RPS6KA6: variants seen among roughly 807,000 people sequenced by gnomAD.
RPS6KA6 encodes the protein ribosomal protein S6 kinase alpha-6.
A neutral mutation model predicts 65.4 loss-of-function variants in RPS6KA6; 27 were observed. That is an observed-to-expected ratio of 0.41 (90% CI 0.30 to 0.57). RPS6KA6 has a LOEUF of 0.57. Among genes scored for constraint, RPS6KA6 ranks in the 20% least tolerant of loss-of-function variants. The pLI, the probability that RPS6KA6 is intolerant of heterozygous loss-of-function variation, is 0.24. For synonymous variants in RPS6KA6, 190 were observed against 184.2 expected, an observed-to-expected ratio of 1.03 and a Z score of -0.26; for missense variants, 486 against 555.6, an observed-to-expected ratio of 0.87 and a Z score of 1.26.
intron 20 of RPS6KA6, among the ~76,000 whole-genome samples, chrX:84,077,350 T>C (rs140929763): frequency 0.062 from 6,841 of 111,114 alleles, 231 homozygotes; most frequent in East Asian, 0.2. Flanking sequence ...TCATGGTACC[T>C]GATTTCAAAA....
intron 1 of RPS6KA6, among the ~76,000 whole-genome samples, chrX:84,183,934 G>A (rs2035894048): frequency 9.0e-6 from 1 of 111,334 alleles, no homozygotes; most frequent in African/African-American, 3.3e-5. Context: ...GGACTCTGTG[G>A]TATATTTTTA....
intron 8 of RPS6KA6, among the ~76,000 whole-genome samples, chrX:84,132,649 G>GAA (rs72182149): frequency 1.9e-5 from 2 of 107,464 alleles, no homozygotes; most frequent in East Asian, 5.8e-4. Context: ...AGGATTTCAG[G>GAA]AAAAAAACTT....
intron 5 of RPS6KA6, 57 bp downstream of exon 5, chrX:84,146,921 T>C: frequency 1.6e-6 from 1 of 631,298 alleles, no homozygotes. Flanking sequence ...AATTCTCTAA[T>C]TCCATATTAA....
At chrX:84,175,104 C>G (rs1178274210) in intron 1 of RPS6KA6, among the ~76,000 whole-genome samples, 1 of 111,307 alleles carries the variant, frequency 9.0e-6, no homozygotes, top group African/African-American at 3.3e-5. Flanking sequence ...TCAGCTTTTT[C>G]AAAATCACAT....
intron 2 of RPS6KA6, 26 bp from the exon 3 acceptor site, chrX:84,156,217 T>C: frequency 1.2e-6 from 1 of 818,611 alleles, no homozygotes; most frequent in South Asian, 2.2e-5. Context: ...CAAACAATAC[T>C]TGAATCCATT....
chrX:84,096,396 T>C (rs1381851960), intron 19 of RPS6KA6, 85 bp from the exon 20 acceptor site: 1 of 396,221 alleles, frequency 2.5e-6, no homozygotes, highest in Non-Finnish European at 4.2e-6. Context: ...TACATGCAAA[T>C]ATTTACTTCA....
At chrX:84,092,022 G>C (rs1488092526) in intron 20 of RPS6KA6, among the ~76,000 whole-genome samples, 3 of 110,575 alleles carry the variant, frequency 2.7e-5, no homozygotes, top group Non-Finnish European at 3.8e-5. Flanking sequence ...CACACAATCA[G>C]GACCTGGTCC....
chrX:84,130,934 T>C, intron 8 of RPS6KA6, among the ~76,000 whole-genome samples: 1 of 112,102 alleles, frequency 8.9e-6, no homozygotes, highest in Non-Finnish European at 1.9e-5. Flanking sequence ...GTTACAAGGC[T>C]GTACGCATTT....
At position 84,164,759 on chromosome X, in the gene RPS6KA6, T is replaced by A. The variant is rs779214060; in HGVS notation, c.82-372A>T. 3.8e-4 allele frequency among the ~76,000 whole-genome samples: 43 copies of A among 111,729 alleles called. 1 individual carries two copies. The highest frequency in any genetic ancestry group is 3.7e-3 in the Admixed American group (39 of 10,513). On this transcript the variant is annotated intron_variant, in intron 1 of 21. Transcript: ENST00000262752. ...ACCATGGGGGTATATTCAAAGCAAA[T>A]TATAATAAGAACAGTTTTATATAAT...
chrX:84,072,610 G>C (rs1170630722), intron 20 of RPS6KA6, among the ~76,000 whole-genome samples: 1 of 111,754 alleles, frequency 8.9e-6, no homozygotes, highest in Non-Finnish European at 1.9e-5. Flanking sequence ...AAATAATACT[G>C]TTACTATTTG....
chrX:84,156,338 T>C (rs941440374), intron 2 of RPS6KA6, 147 bp from the exon 3 acceptor site: 6 of 390,295 alleles, frequency 1.5e-5, no homozygotes, highest in African/African-American at 2.6e-5. Flanking sequence ...TATTTCCCTG[T>C]TTTCTAACAC....
chrX:84,098,994 A>C (rs2034209668), intron 18 of RPS6KA6, among the ~76,000 whole-genome samples: 1 of 111,183 alleles, frequency 9.0e-6, no homozygotes, highest in Non-Finnish European at 1.9e-5. Flanking sequence ...TTATTCCCTT[A>C]TCTCTTCATT....
chrX:84,135,234 A>G (rs1349679691), intron 6 of RPS6KA6, 24 bp from the exon 7 acceptor site: 1 of 1,014,200 alleles, frequency 9.9e-7, no homozygotes, highest in African/African-American at 1.9e-5. Context: ...ATGATTTATC[A>G]TTTGATCTTT....
intron 3 of RPS6KA6, among the ~76,000 whole-genome samples, chrX:84,148,710 T>C (rs1305093363): frequency 2.7e-5 from 3 of 111,312 alleles, no homozygotes; most frequent in Admixed American, 1.9e-4. Flanking sequence ...ATACCTTAAT[T>C]AAATATGCTT....
chrX:84,155,071 G>A (rs779607486), intron 3 of RPS6KA6, among the ~76,000 whole-genome samples: 1 of 109,521 alleles, frequency 9.1e-6, no homozygotes, highest in East Asian at 2.9e-4. Flanking sequence ...GTGTGGTGGT[G>A]CACACCTGTA....
At chrX:84,074,023 A>G (rs780779302) in intron 20 of RPS6KA6, among the ~76,000 whole-genome samples, 2 of 111,958 alleles carry the variant, frequency 1.8e-5, no homozygotes, top group Non-Finnish European at 3.8e-5. Context: ...ACTACTGGCT[A>G]TTTACCCAAA....
rs755454651 is a variant in RPS6KA6 at position 84,117,369 on chromosome X, A to G, written c.860+15T>C. 2.0e-5 allele frequency: 21 copies of G among 1,031,576 alleles called. No individual in the cohort carries two copies. The highest frequency in any genetic ancestry group is 2.1e-5 in the Non-Finnish European group (16 of 762,635). The allele number at this position is 1,031,576 out of a possible 1,213,427, so 85.0% of individuals were successfully genotyped here. On this transcript the variant is annotated intron_variant, in intron 10 of 21. Coordinates refer to ENST00000262752, the MANE Select transcript of RPS6KA6 (RefSeq NM_014496.5). ...GATTTTTTTCCCAAAAGAAAAACAT[A>G]CTGTTTACACTTACTTTAATATCAT... is the stretch of plus-strand genomic sequence containing the variant.
intron 6 of RPS6KA6, among the ~76,000 whole-genome samples, chrX:84,135,647 C>T (rs1300244679): frequency 9.0e-6 from 1 of 111,272 alleles, no homozygotes; most frequent in Admixed American, 9.6e-5. Flanking sequence ...ATACCATTCT[C>T]TCTTTTACTG....
intron 6 of RPS6KA6, among the ~76,000 whole-genome samples, chrX:84,142,069 C>G (rs966860070): frequency 9.0e-6 from 1 of 111,206 alleles, no homozygotes; most frequent in African/African-American, 3.3e-5. Flanking sequence ...TAGCAGAATA[C>G]ACATTCTTCT....
Sources: allele counts gnomAD v4.1 joint callset (sites outside exome capture counted in the v4.1 genomes callset), GRCh38; gene constraint gnomAD v4.1.1; transcripts MANE v1.5; gene names NCBI Gene and HGNC (gene_info 2026-07-23, HGNC 2026-07-21).